Variants in TSNARE1 observed in about 807,000 individuals in gnomAD.
TSNARE1 encodes t-SNARE domain-containing protein 1.
A neutral mutation model predicts 62.0 loss-of-function variants in TSNARE1; 49 were observed. That is an observed-to-expected ratio of 0.79 (90% CI 0.63 to 1.00). The LOEUF is 1.00. Ranked by LOEUF, TSNARE1 falls within the 50% of genes least tolerant of loss-of-function variation. TSNARE1 has a pLI of 0.00. For missense variants in TSNARE1, 755 were observed against 700.1 expected, an observed-to-expected ratio of 1.08 and a Z score of -0.88; for synonymous variants, 328 against 294.4, an observed-to-expected ratio of 1.11 and a Z score of -1.17.
intron 12 of TSNARE1, among the ~76,000 whole-genome samples, chr8:142,250,329 C>T (rs1818099726): frequency 6.6e-6 from 1 of 152,184 alleles, no homozygotes; most frequent in Non-Finnish European, 1.5e-5. Flanking sequence ...GCCTCCTCCC[C>T]TGGAGTAGGA....
intron 9 of TSNARE1, among the ~76,000 whole-genome samples, chr8:142,305,078 C>T (rs572002917): frequency 2.6e-5 from 4 of 152,286 alleles, no homozygotes; most frequent in East Asian, 1.9e-4. Flanking sequence ...CAGCCACAGG[C>T]GAGGGGGCTG....
chr8:142,366,659 T>C (rs1480491358), intron 1 of TSNARE1, among the ~76,000 whole-genome samples: 5 of 152,194 alleles, frequency 3.3e-5, no homozygotes, highest in African/African-American at 9.7e-5. Context: ...CCTTTCATCC[T>C]AAACGAGCAC....
chr8:142,311,384 G>C (rs1827602071), intron 9 of TSNARE1, among the ~76,000 whole-genome samples: 1 of 142,574 alleles, frequency 7.0e-6, no homozygotes, highest in South Asian at 2.2e-4. Context: ...CACAGCCTCT[G>C]CCTCCCGGGT....
chr8:142,277,384 T>C (rs937612999), intron 11 of TSNARE1: 6 of 985,242 alleles, frequency 6.1e-6, no homozygotes, highest in African/African-American at 1.7e-5. Flanking sequence ...CAGGGACCCC[T>C]GTGGGAGACC....
intron 12 of TSNARE1, among the ~76,000 whole-genome samples, chr8:142,240,131 G>A (rs1184354148): frequency 6.6e-6 from 1 of 151,962 alleles, no homozygotes; most frequent in East Asian, 1.9e-4. Context: ...AGGCATAGAA[G>A]TACTGAAAAT....
At chr8:142,282,388 G>C (rs541265833) in intron 11 of TSNARE1, among the ~76,000 whole-genome samples, 1 of 152,092 alleles carries the variant, frequency 6.6e-6, no homozygotes, top group Admixed American at 6.5e-5. Context: ...AGGGACCAGC[G>C]TCTGTCAATG....
Position 142,229,584 on chromosome 8 carries a change from G to C in TSNARE1, c.1447-5C>G, listed in dbSNP as rs1433203617. On this transcript the variant is annotated splice_region_variant and splice_polypyrimidine_tract_variant and intron_variant, in intron 12 of 13. Transcript: ENST00000524325. ...CTTGATCTTGTGTCTCTGGAGCTGG[G>C]AGAGAGAGAGAGGTTGTTTCCATAT... The C allele has an allele frequency of 6.4e-7, 1 of 1,570,452 alleles. No individual in the cohort carries two copies. The highest frequency in any genetic ancestry group is 1.7e-5 in the Admixed American group (1 of 59,018).
At chr8:142,385,493 C>T (rs1324589829) in intron 1 of TSNARE1, among the ~76,000 whole-genome samples, 1 of 152,156 alleles carries the variant, frequency 6.6e-6, no homozygotes, top group African/African-American at 2.4e-5. Context: ...GGTGACAGAA[C>T]AGAATGCAGA....
chr8:142,272,060 C>T (rs988897152), intron 12 of TSNARE1, among the ~76,000 whole-genome samples: 1 of 152,170 alleles, frequency 6.6e-6, no homozygotes. Flanking sequence ...TCTATTCCTC[C>T]ACATAGACAC....
intron 7 of TSNARE1, among the ~76,000 whole-genome samples, 199 bp from the exon 8 acceptor site, chr8:142,315,291 CCGGTGCAGGGGTCAA>C (rs1203176615): frequency 9.1e-4 from 138 of 152,340 alleles, no homozygotes; most frequent in African/African-American, 3.0e-3. Context: ...ACCACAAAAT[CCGGTGCAGGGGTCAA>C]CACCACCTGC....
intron 12 of TSNARE1, among the ~76,000 whole-genome samples, chr8:142,255,848 C>T (rs977300875): frequency 4.3e-5 from 4 of 93,012 alleles, no homozygotes; most frequent in East Asian, 3.5e-4. Context: ...ACCACCATCA[C>T]CACCACCATC....
intron 5 of TSNARE1, 21 bp downstream of exon 5, chr8:142,331,733 C>A: frequency 6.3e-7 from 1 of 1,577,776 alleles, no homozygotes; most frequent in Non-Finnish European, 8.6e-7. Context: ...AGGGGCAGGC[C>A]CAGGCCAGAC....
chr8:142,233,230 G>A (rs1160992270), intron 12 of TSNARE1, among the ~76,000 whole-genome samples: 1 of 152,232 alleles, frequency 6.6e-6, no homozygotes, highest in Admixed American at 6.5e-5. Context: ...CTGGAGGATG[G>A]GCAGGACAGG....
At chr8:142,314,301 C>T (rs1000432207) in intron 9 of TSNARE1, 83 bp downstream of exon 9, 61 of 1,367,118 alleles carry the variant, frequency 4.5e-5, no homozygotes, top group South Asian at 1.3e-4. Flanking sequence ...TGGCCCTCCC[C>T]GCCCTTCCAT....
chr8:142,231,775 T>C (rs940289173), intron 12 of TSNARE1, among the ~76,000 whole-genome samples: 10 of 152,162 alleles, frequency 6.6e-5, no homozygotes, highest in African/African-American at 2.2e-4. Flanking sequence ...TGATGTGGCC[T>C]GCCCAAAGCC....
At chr8:142,240,769 C>T (rs1293329614) in intron 12 of TSNARE1, among the ~76,000 whole-genome samples, 2 of 152,066 alleles carry the variant, frequency 1.3e-5, no homozygotes, top group African/African-American at 2.4e-5. Context: ...TGATAATAGA[C>T]ATATACAGTT....
chr8:142,237,809 G>A (rs1329200390), intron 12 of TSNARE1, among the ~76,000 whole-genome samples: 1 of 152,158 alleles, frequency 6.6e-6, no homozygotes, highest in Non-Finnish European at 1.5e-5. Flanking sequence ...TCTCTCTCCC[G>A]AACCATGCTT....
intron 13 of TSNARE1, among the ~76,000 whole-genome samples, chr8:142,223,097 CTCAT>C (rs1367979087): frequency 1.3e-5 from 2 of 150,406 alleles, no homozygotes; most frequent in East Asian, 4.0e-4. Flanking sequence ...CATTCATCCA[CTCAT>C]TCACTCACTC....
intron 1 of TSNARE1, among the ~76,000 whole-genome samples, chr8:142,397,666 A>G (rs1470618460): frequency 6.6e-6 from 1 of 152,210 alleles, no homozygotes; most frequent in East Asian, 1.9e-4. Context: ...CTCCCAGGCC[A>G]GCGTGAGTGC....
Sources: gnomAD v4.1 joint callset for allele counts (sites outside exome capture counted in the v4.1 genomes callset) on GRCh38, gnomAD v4.1.1 for gene constraint, MANE v1.5 for transcripts, NCBI Gene and HGNC (gene_info 2026-07-23, HGNC 2026-07-21) for gene names.